The following INTS6 variants were observed in gnomAD, a reference collection of about 807,000 sequenced individuals.
INTS6 encodes DEAD box protein.
In INTS6, 16 loss-of-function variants were observed where a neutral mutation model predicts 104.9. That is an observed-to-expected ratio of 0.15 (90% CI 0.10 to 0.23). The LOEUF is 0.23. INTS6 is among the 10% of genes least tolerant of loss of function. The probability of loss-of-function intolerance (pLI) is 1.00; values close to 1 mark genes in which losing one functional copy is unlikely to be tolerated. For missense variants in INTS6, 584 were observed against 1,062.8 expected (o/e 0.55, Z 6.26); for synonymous variants, 324 against 358.7 (o/e 0.90, Z 1.09).
intron 5 of INTS6, among the ~76,000 whole-genome samples, chr13:51,394,086 A>G (rs569724084): frequency 6.6e-6 from 1 of 152,284 alleles, no homozygotes; most frequent in African/African-American, 2.4e-5. Flanking sequence ...CTGGAAACTA[A>G]AATTTCATGA....
intron 4 of INTS6, among the ~76,000 whole-genome samples, chr13:51,418,521 CA>C (rs1408573802): frequency 2.0e-5 from 3 of 151,806 alleles, no homozygotes; most frequent in South Asian, 2.1e-4. Flanking sequence ...GATCCTGTCT[CA>C]AAAAAAATTA....
the INTS6 span, among the ~76,000 whole-genome samples, chr13:51,343,817 T>A: frequency 1.3e-5 from 2 of 152,202 alleles, no homozygotes; most frequent in Non-Finnish European, 2.9e-5. Flanking sequence ...CCACCTCCCA[T>A]CATTGTCACT....
intron 4 of INTS6, among the ~76,000 whole-genome samples, chr13:51,415,550 C>T (rs1194193455): frequency 2.6e-5 from 4 of 152,160 alleles, no homozygotes; most frequent in Non-Finnish European, 5.9e-5. Context: ...CAAGCTCTCT[C>T]TCTTTGCCTG....
rs1955975107 is a variant in INTS6, at chr13:51,378,324, T to C, written c.1517A>G (p.Gln506Arg). ...GTGAGGGACATCCTCTGAAATTCCC[T>C]GGAGGAGTTGTTGAAAATCTTTCCT... is the stretch of plus-strand genomic sequence containing the variant. ...AYRKDFQQLL[Q>R]GISEDVPHRL... Residue 506 changes from glutamine to arginine, a missense_variant, in exon 12 of 18, where the codon CAG becomes CGG. By Grantham distance (43) the Gln-to-Arg change is conservative (BLOSUM62 1). Coordinates refer to ENST00000311234, the MANE Select transcript of INTS6 (RefSeq NM_012141.3). 5.0e-6 allele frequency: 8 copies of C among 1,613,538 alleles called. No homozygotes were observed. The highest frequency in any genetic ancestry group is 6.8e-6 in the Non-Finnish European group (8 of 1,179,514).
At chr13:51,400,187 T>C (rs1429401405) in intron 4 of INTS6, among the ~76,000 whole-genome samples, 2 of 152,238 alleles carry the variant, frequency 1.3e-5, no homozygotes, top group Non-Finnish European at 2.9e-5. Flanking sequence ...TACCCACCCA[T>C]GTCCACAGAA....
At chr13:51,423,700 C>T (rs1353940929) in intron 4 of INTS6, among the ~76,000 whole-genome samples, 5 of 151,914 alleles carry the variant, frequency 3.3e-5, no homozygotes, top group Non-Finnish European at 7.4e-5. Context: ...CCTTGGAAAC[C>T]CGTTCCCAAA....
intron 3 of INTS6, chr13:51,442,609 G>C (rs1040897898): frequency 1.3e-5 from 2 of 152,692 alleles, no homozygotes; most frequent in East Asian, 3.8e-4. Context: ...ACAGCAGAAG[G>C]TGAGCAGTGG....
intron 3 of INTS6, chr13:51,443,421 C>CA (rs1952833848): frequency 6.6e-6 from 1 of 151,956 alleles, no homozygotes. Context: ...TAAGTTACAT[C>CA]TCAATAAAAA....
chr13:51,344,692 A>G, the INTS6 span, among the ~76,000 whole-genome samples: 71 of 151,898 alleles, frequency 4.7e-4, no homozygotes, highest in African/African-American at 1.4e-3. Context: ...TCCCACACAA[A>G]TATACACATG....
intron 6 of INTS6, among the ~76,000 whole-genome samples, chr13:51,388,388 TG>T (rs1396071228): frequency 6.6e-6 from 1 of 151,826 alleles, no homozygotes; most frequent in Non-Finnish European, 1.5e-5. Context: ...TTTTTGTTTT[TG>T]TTTTTGTTTT....
chr13:51,355,125 A>G, intron 3 of INTS6: 1 of 1,533,258 alleles, frequency 6.5e-7, no homozygotes, highest in Non-Finnish European at 8.9e-7. Context: ...ACTCAAAGCT[A>G]ACTTGAAAGG....
chr13:51,377,214 C>T (rs1352869285), intron 12 of INTS6, among the ~76,000 whole-genome samples: 1 of 151,964 alleles, frequency 6.6e-6, no homozygotes, highest in Admixed American at 6.6e-5. Context: ...ATATTTTGCC[C>T]ATGTTTGTCC....
chr13:51,398,623 T>C (rs1956382008), intron 4 of INTS6, among the ~76,000 whole-genome samples: 1 of 152,094 alleles, frequency 6.6e-6, no homozygotes, highest in South Asian at 2.1e-4. Context: ...ATACTACCAT[T>C]TGGAGAACAA....
At chr13:51,430,790 A>G (rs1322873546) in intron 3 of INTS6, among the ~76,000 whole-genome samples, 1 of 152,238 alleles carries the variant, frequency 6.6e-6, no homozygotes, top group African/African-American at 2.4e-5. Flanking sequence ...AAAGGAAGGC[A>G]AGACAGTAGG....
chr13:51,409,190 G>A (rs1956634949), intron 4 of INTS6, among the ~76,000 whole-genome samples: 1 of 151,178 alleles, frequency 6.6e-6, no homozygotes, highest in African/African-American at 2.4e-5. Flanking sequence ...GGGCACAGTG[G>A]AGGCAGAGGT....
chr13:51,390,857 T>C (rs1956234812), intron 5 of INTS6, among the ~76,000 whole-genome samples: 1 of 152,094 alleles, frequency 6.6e-6, no homozygotes, highest in Admixed American at 6.5e-5. Flanking sequence ...AATCATTTTA[T>C]GATTATTAAT....
chr13:51,437,263 C>T (rs1952708567), intron 3 of INTS6: 1 of 152,130 alleles, frequency 6.6e-6, no homozygotes, highest in African/African-American at 2.4e-5. Context: ...CAAGATTAAT[C>T]ACCTCCTTGA....
At chr13:51,409,191 A>AG (rs1236980563) in intron 4 of INTS6, among the ~76,000 whole-genome samples, 1 of 151,182 alleles carries the variant, frequency 6.6e-6, no homozygotes, top group East Asian at 1.9e-4. Context: ...GGCACAGTGG[A>AG]GGCAGAGGTT....
At chr13:51,375,441 T>C (rs1955901411) in intron 13 of INTS6, among the ~76,000 whole-genome samples, 1 of 147,928 alleles carries the variant, frequency 6.8e-6, no homozygotes, top group Non-Finnish European at 1.5e-5. Context: ...AATTTAATTA[T>C]AGTAGAATTT....
Sources: gnomAD v4.1 joint callset for allele counts (sites outside exome capture counted in the v4.1 genomes callset) on GRCh38, gnomAD v4.1.1 for gene constraint, MANE v1.5 for transcripts, NCBI Gene and HGNC (gene_info 2026-07-23, HGNC 2026-07-21) for gene names.